Variants in MTA3 observed in about 807,000 individuals in gnomAD.
MTA3 encodes the protein metastasis-associated protein MTA3.
A neutral mutation model predicts 83.5 loss-of-function variants in MTA3; 34 were observed. The ratio of observed to expected loss-of-function variants is 0.41; its 90% CI spans 0.31 to 0.54. The LOEUF is 0.54. Among genes scored for constraint, MTA3 ranks in the 20% least tolerant of loss-of-function variants. The pLI, the probability that MTA3 is intolerant of heterozygous loss-of-function variation, is 0.33. For missense variants in MTA3, 761 were observed against 726.4 expected (o/e 1.05, Z -0.55); for synonymous variants, 303 against 252.7 (o/e 1.20, Z -1.89).
chr2:42,667,570 T>TTATGTGTGTGTGTGTG (rs770325715), intron 8 of MTA3, among the ~76,000 whole-genome samples: 44 of 145,022 alleles, frequency 3.0e-4, no homozygotes, highest in African/African-American at 6.1e-4. Context: ...CATTTAAAAA[T>TTATGTGTGTGTGTGTG]TGTGTGTGTG....
chr2:42,609,836 C>G (rs138137125), intron 4 of MTA3, among the ~76,000 whole-genome samples: 1 of 152,156 alleles, frequency 6.6e-6, no homozygotes, highest in African/African-American at 2.4e-5. Flanking sequence ...CAGTGGCTCA[C>G]GCCTGTAATT....
At chr2:42,605,820 G>GC (rs1182508173) in intron 3 of MTA3, among the ~76,000 whole-genome samples, 1 of 133,586 alleles carries the variant, frequency 7.5e-6, no homozygotes, top group Non-Finnish European at 1.6e-5. Context: ...TCCCAGACGG[G>GC]GCGGCTGGCC....
intron 11 of MTA3, chr2:42,703,415 G>C (rs1211870147): frequency 3.9e-5 from 6 of 152,256 alleles, no homozygotes; most frequent in Non-Finnish European, 7.3e-5. Flanking sequence ...CATCTGCTAA[G>C]CGTGTGGCTT....
intron 12 of MTA3, among the ~76,000 whole-genome samples, chr2:42,706,041 G>A: frequency 6.6e-6 from 1 of 152,112 alleles, no homozygotes; most frequent in East Asian, 1.9e-4. Flanking sequence ...TGTTTTAAGT[G>A]AAATTTTATA....
At chr2:42,583,309 G>T (rs1384824072) in intron 3 of MTA3, among the ~76,000 whole-genome samples, 1 of 152,132 alleles carries the variant, frequency 6.6e-6, no homozygotes, top group Non-Finnish European at 1.5e-5. Context: ...CGGGAATGGT[G>T]GAGTTAGATG....
chr2:42,528,723 G>A (rs1444771339), intron 2 of MTA3, among the ~76,000 whole-genome samples: 2 of 152,152 alleles, frequency 1.3e-5, no homozygotes, highest in Non-Finnish European at 2.9e-5. Flanking sequence ...TTTCAGTTTT[G>A]TTTGTTCATT....
intron 2 of MTA3, among the ~76,000 whole-genome samples, chr2:42,517,436 G>T (rs937870183): frequency 6.6e-6 from 1 of 151,490 alleles, no homozygotes; most frequent in African/African-American, 2.4e-5. Context: ...AGCTGGATGT[G>T]GTGGCACATG....
intron 2 of MTA3, among the ~76,000 whole-genome samples, chr2:42,554,189 A>G (rs146408610): frequency 0.014 from 2,117 of 148,944 alleles, 49 homozygotes; most frequent in African/African-American, 0.049. Context: ...AGCCGAGATC[A>G]CGTCATTGCA....
chr2:42,688,084 T>C (rs1014109665), intron 9 of MTA3, among the ~76,000 whole-genome samples: 4 of 152,062 alleles, frequency 2.6e-5, no homozygotes, highest in African/African-American at 9.7e-5. Flanking sequence ...AGTTCGCTTA[T>C]CAGTCAGGAT....
intron 9 of MTA3, among the ~76,000 whole-genome samples, chr2:42,689,115 T>C (rs1269530109): frequency 1.6e-4 from 24 of 152,218 alleles, no homozygotes; most frequent in Admixed American, 1.6e-3. Context: ...CTCTTTGTCT[T>C]TTGATATGGT....
intron 2 of MTA3, among the ~76,000 whole-genome samples, chr2:42,536,284 G>C (rs1022400821): frequency 6.6e-5 from 10 of 151,674 alleles, no homozygotes; most frequent in Non-Finnish European, 1.5e-4. Flanking sequence ...GACCAGCCTG[G>C]CCAATATGAA....
At chr2:42,570,710 A>G (rs1287399620) in intron 2 of MTA3, among the ~76,000 whole-genome samples, 2 of 151,838 alleles carry the variant, frequency 1.3e-5, no homozygotes, top group Admixed American at 1.3e-4. Flanking sequence ...TTTTTAATTA[A>G]TATAAAAAGT....
chr2:42,517,246 G>T (rs1675187332), intron 2 of MTA3, among the ~76,000 whole-genome samples: 1 of 151,354 alleles, frequency 6.6e-6, no homozygotes, highest in African/African-American at 2.4e-5. Context: ...GGGGACAAGA[G>T]TGAAATTCCA....
chr2:42,556,118 G>A (rs919546839), intron 2 of MTA3, among the ~76,000 whole-genome samples: 2 of 151,738 alleles, frequency 1.3e-5, no homozygotes, highest in African/African-American at 2.4e-5. Flanking sequence ...CAAAAAAAGA[G>A]AGAAAAGGAG....
intron 14 of MTA3, chr2:42,709,437 A>C: frequency 2.4e-6 from 1 of 410,924 alleles, no homozygotes; most frequent in Non-Finnish European, 3.9e-6. Flanking sequence ...TAGTGCCACA[A>C]TGTAACCCCT....
chr2:42,688,336 G>A lies in MTA3; in HGVS notation c.891+5747G>A, dbSNP rs77582153. ...TGGGCTCAAATGATGCTCTTGCCTTGACCTCCCAAGTTGCTGGGATTATAG... is the reference window on the plus strand; with the variant it reads ...TGGGCTCAAATGATGCTCTTGCCTTAACCTCCCAAGTTGCTGGGATTATAG... On this transcript the variant is annotated intron_variant, in intron 9 of 16. Coordinates refer to ENST00000405094, the MANE Select transcript of MTA3 (RefSeq NM_001330442.2). Among the ~76,000 whole-genome samples, 859 of 152,202 alleles carry A rather than the reference G, an allele frequency of 5.6e-3. 11 individuals are homozygous for A. Among genetic ancestry groups the A allele is most frequent in the African/African-American group, 0.019 (793 of 41,506 alleles).
chr2:42,618,818 C>A (rs1224337843), intron 4 of MTA3, among the ~76,000 whole-genome samples: 1 of 152,012 alleles, frequency 6.6e-6, no homozygotes, highest in Non-Finnish European at 1.5e-5. Context: ...ATATTATTGT[C>A]CAGGCTGGCC....
intron 8 of MTA3, among the ~76,000 whole-genome samples, chr2:42,672,413 C>T (rs1056549857): frequency 7.9e-5 from 12 of 151,104 alleles, no homozygotes; most frequent in African/African-American, 2.7e-4. Context: ...GAGGCCGAGG[C>T]GGGTGGATCA....
At chr2:42,600,876 A>T (rs1249450890) in intron 3 of MTA3, among the ~76,000 whole-genome samples, 2 of 151,672 alleles carry the variant, frequency 1.3e-5, no homozygotes, top group African/African-American at 2.4e-5. Context: ...TTATTTGCTG[A>T]GTAGAGTTTG....
Sources: allele counts gnomAD v4.1 joint callset (sites outside exome capture counted in the v4.1 genomes callset), GRCh38; gene constraint gnomAD v4.1.1; transcripts MANE v1.5; gene names NCBI Gene and HGNC (gene_info 2026-07-23, HGNC 2026-07-21).